Variants in GSE1 observed in about 807,000 individuals in gnomAD.
The protein encoded by GSE1 is Gse1 coiled-coil protein, also known as genetic suppressor element 1.
Under a neutral mutation model 112.6 loss-of-function variants are expected in GSE1, and 32 were observed. The ratio of observed to expected loss-of-function variants is 0.28; its 90% confidence interval spans 0.21 to 0.38. The LOEUF is 0.38. GSE1 is among the 10% of genes least tolerant of loss of function. The pLI, the probability that GSE1 is intolerant of heterozygous loss-of-function variation, is 1.00. For missense variants in GSE1, 2,348 were observed against 1,699.2 expected, an observed-to-expected ratio of 1.38 and a Z score of -6.71; for synonymous variants, 1,115 against 735.6, an observed-to-expected ratio of 1.52 and a Z score of -8.35.
intron 1 of GSE1, among the ~76,000 whole-genome samples, chr16:85,586,636 C>T (rs929960452): frequency 1.3e-5 from 2 of 152,216 alleles, no homozygotes; most frequent in Non-Finnish European, 2.9e-5. Flanking sequence ...GACGCCGGCC[C>T]CCGCGCCCCC....
At chr16:85,560,476 C>G (rs2045466975) in intron 1 of GSE1, among the ~76,000 whole-genome samples, 1 of 152,160 alleles carries the variant, frequency 6.6e-6, no homozygotes, top group African/African-American at 2.4e-5. Flanking sequence ...GACCAGGCCT[C>G]TTGCCGCCAT....
rs144392357 is a variant in GSE1, at chr16:85,622,744, G to A, written c.7+9346G>A. Among the ~76,000 whole-genome samples the A allele has an allele frequency of 8.1e-4, 123 of 152,322 alleles. 2 individuals are homozygous for A. The highest frequency in any genetic ancestry group is 2.9e-3 in the African/African-American group (119 of 41,576). On this transcript the variant is annotated intron_variant, in intron 1 of 15. Transcript: ENST00000253458. The stretch of plus-strand genomic sequence containing the variant: ...GAGACCTACCTTGGGGTTGACACAC[G>A]CCAGAATTGTGGCCTTCATAGGCGT...
chr16:85,666,425 C>T, intron 13 of GSE1, 78 bp downstream of exon 13: 2 of 1,374,300 alleles, frequency 1.5e-6, no homozygotes, highest in Non-Finnish European at 1.0e-6. Flanking sequence ...CACAGCTGCT[C>T]AGCCGTTCAG....
intron 3 of GSE1, among the ~76,000 whole-genome samples, chr16:85,652,237 C>A (rs1379244911): frequency 1.3e-5 from 2 of 152,234 alleles, no homozygotes; most frequent in African/African-American, 4.8e-5. Context: ...CGGGCACATG[C>A]CATTGATGTG....
intron 1 of GSE1, among the ~76,000 whole-genome samples, chr16:85,576,513 C>G (rs1186630704): frequency 6.6e-6 from 1 of 152,150 alleles, no homozygotes; most frequent in African/African-American, 2.4e-5. Context: ...GCTCGGATCA[C>G]CTGACATCTG....
intron 2 of GSE1, among the ~76,000 whole-genome samples, chr16:85,468,167 T>C (rs1040631509): frequency 7.4e-6 from 1 of 134,946 alleles, no homozygotes. Context: ...TACTTGGGGT[T>C]CCTTGAACCA....
At chr16:85,477,440 C>G (rs1206619389) in intron 2 of GSE1, among the ~76,000 whole-genome samples, 1 of 152,034 alleles carries the variant, frequency 6.6e-6, no homozygotes, top group Non-Finnish European at 1.5e-5. Flanking sequence ...TCAAACATGC[C>G]CACAGCCAGC....
At chr16:85,251,208 T>G (rs1329344814) in intron 1 of GSE1, among the ~76,000 whole-genome samples, 1 of 152,212 alleles carries the variant, frequency 6.6e-6, no homozygotes, top group African/African-American at 2.4e-5. Flanking sequence ...GTGAGTGCTC[T>G]CCGCAGAGCA....
At chr16:85,497,649 C>G (rs2051225065) in intron 2 of GSE1, among the ~76,000 whole-genome samples, 1 of 152,246 alleles carries the variant, frequency 6.6e-6, no homozygotes, top group South Asian at 2.1e-4. Flanking sequence ...TGAACTTACA[C>G]CTTTGTCACA....
At chr16:85,180,577 C>T (rs964945330) in intron 1 of GSE1, among the ~76,000 whole-genome samples, 1 of 152,250 alleles carries the variant, frequency 6.6e-6, no homozygotes, top group Non-Finnish European at 1.5e-5. Context: ...CCCCACGTGA[C>T]TGTCTCACTG....
chr16:85,452,709 C>G (rs574478975), intron 2 of GSE1, among the ~76,000 whole-genome samples: 1 of 152,224 alleles, frequency 6.6e-6, no homozygotes, highest in South Asian at 2.1e-4. Flanking sequence ...GATTTGAACC[C>G]AGAGACCCTC....
intron 2 of GSE1, among the ~76,000 whole-genome samples, chr16:85,465,334 C>T (rs1362717974): frequency 6.6e-6 from 1 of 152,192 alleles, no homozygotes; most frequent in Non-Finnish European, 1.5e-5. Context: ...GGTGCCTGGG[C>T]TGTAAGGGAA....
At chr16:85,303,918 T>G (rs1029385423) in intron 1 of GSE1, among the ~76,000 whole-genome samples, 1 of 152,204 alleles carries the variant, frequency 6.6e-6, no homozygotes, top group African/African-American at 2.4e-5. Context: ...CCATTGGTGC[T>G]GCTCTCGGCT....
chr16:85,317,072 C>T (rs750488794), intron 1 of GSE1, among the ~76,000 whole-genome samples: 1 of 152,210 alleles, frequency 6.6e-6, no homozygotes, highest in African/African-American at 2.4e-5. Context: ...GTCTCTGCTC[C>T]ATCTTGCCAT....
At chr16:85,544,430 G>A (rs186923821) in intron 2 of GSE1, among the ~76,000 whole-genome samples, 3 of 152,304 alleles carry the variant, frequency 2.0e-5, no homozygotes, top group Non-Finnish European at 1.5e-5. Flanking sequence ...CTCAGGCCAC[G>A]GGGACAGTCC....
At position 85,307,058 on chromosome 16, in the gene GSE1, G is replaced by C. The variant is rs1015517644; in HGVS notation, c.2284-50405G>C. Among the ~76,000 whole-genome samples, 3 of 151,530 alleles carry C rather than the reference G, an allele frequency of 2.0e-5. No homozygotes were observed. In the East Asian group the frequency reaches 5.9e-4, roughly 30 times the overall value. ...GGTTGGGAAGTGTCCACGAGGCTGG[G>C]CCAGCAGCTGAGTTTGGGCAGAGGT... On this transcript the variant is annotated intron_variant, in intron 1 of 2. Coordinates refer to the GSE1 transcript ENST00000637419.
intron 2 of GSE1, among the ~76,000 whole-genome samples, chr16:85,510,481 G>T (rs546585520): frequency 2.0e-5 from 3 of 152,268 alleles, no homozygotes; most frequent in East Asian, 1.9e-4. Context: ...GCCTTGGCGG[G>T]GGCACACCTG....
chr16:85,337,556 C>T (rs951469058), intron 1 of GSE1, among the ~76,000 whole-genome samples: 3 of 152,114 alleles, frequency 2.0e-5, no homozygotes, highest in African/African-American at 7.2e-5. Context: ...CCGCCCGCCT[C>T]GGCCTCCCAA....
chr16:85,630,053 C>G (rs1354326308), intron 1 of GSE1, among the ~76,000 whole-genome samples: 3 of 152,196 alleles, frequency 2.0e-5, no homozygotes, highest in African/African-American at 7.2e-5. Context: ...CAGCCTGGGG[C>G]TGGAGGATTC....
Sources: allele counts gnomAD v4.1 joint callset (sites outside exome capture counted in the v4.1 genomes callset), GRCh38; gene constraint gnomAD v4.1.1; transcripts MANE v1.5; gene names NCBI Gene and HGNC (gene_info 2026-07-23, HGNC 2026-07-21).